HPGD: variants seen among roughly 807,000 people sequenced by gnomAD.
HPGD encodes the protein 15-hydroxyprostaglandin dehydrogenase [NAD(+)].
In HPGD, 29 loss-of-function variants were observed where a neutral mutation model predicts 30.0. That is an observed-to-expected ratio of 0.97 (90% CI 0.72 to 1.32). The LOEUF is 1.32. Ranked by LOEUF, HPGD falls within the 40% of genes most tolerant of loss-of-function variation. HPGD has a pLI of 0.00. For missense variants in HPGD, 340 were observed against 322.1 expected, an observed-to-expected ratio of 1.06 and a Z score of -0.43; for synonymous variants, 99 against 112.4, an observed-to-expected ratio of 0.88 and a Z score of 0.75.
intron 5 of HPGD, 158 bp downstream of exon 5, chr4:174,495,390 C>T (rs1734544513): frequency 1.5e-6 from 1 of 654,980 alleles, no homozygotes; most frequent in Non-Finnish European, 2.8e-6. Flanking sequence ...TTATTTGGTT[C>T]TTTATGTGAT....
At chr4:174,503,719 ATT>A (rs60031997) in intron 4 of HPGD, among the ~76,000 whole-genome samples, 26 of 142,876 alleles carry the variant, frequency 1.8e-4, no homozygotes, top group South Asian at 4.5e-4. Context: ...GGGTTTTTTG[ATT>A]TTTTTTTTTT....
intron 4 of HPGD, chr4:174,495,881 T>C (rs965233258): frequency 2.0e-6 from 1 of 488,324 alleles, no homozygotes; most frequent in African/African-American, 2.0e-5. Context: ...TGTGTTTTTC[T>C]GCCTCCCCAG....
chr4:174,505,758 G>A (rs912392643), intron 4 of HPGD, among the ~76,000 whole-genome samples: 4 of 152,142 alleles, frequency 2.6e-5, no homozygotes, highest in Admixed American at 1.3e-4. Flanking sequence ...CACAAGAGGT[G>A]CGGAGGCTGG....
At chr4:174,518,098 T>A in intron 2 of HPGD, 21 bp from the exon 3 acceptor site, 1 of 1,102,856 alleles carries the variant, frequency 9.1e-7, no homozygotes, top group Non-Finnish European at 1.4e-6. Context: ...AACAAGATAT[T>A]AGTGATACAT....
intron 5 of HPGD, chr4:174,495,282 G>A: frequency 4.4e-6 from 2 of 450,664 alleles, no homozygotes; most frequent in Non-Finnish European, 8.0e-6. Context: ...GTCATTTTTG[G>A]AAATAAGTAC....
chr4:174,511,558 T>C (rs1209434564), intron 3 of HPGD, among the ~76,000 whole-genome samples: 3 of 152,226 alleles, frequency 2.0e-5, no homozygotes, highest in African/African-American at 7.2e-5. Flanking sequence ...CCAATCAATA[T>C]TCAAAGTTAA....
intron 4 of HPGD, among the ~76,000 whole-genome samples, chr4:174,505,573 AT>A (rs1735145642): frequency 2.6e-5 from 4 of 152,234 alleles, no homozygotes; most frequent in Admixed American, 2.6e-4. Context: ...AATATCCTGA[AT>A]TTTTATCAAA....
At chr4:174,518,290 T>G (rs1408233155) in intron 2 of HPGD, among the ~76,000 whole-genome samples, 1 of 152,220 alleles carries the variant, frequency 6.6e-6, no homozygotes, top group Non-Finnish European at 1.5e-5. Context: ...TGCAGAATTT[T>G]GCAGACACCA....
chr4:174,519,587 G>A (rs571490661), intron 2 of HPGD, among the ~76,000 whole-genome samples: 1 of 152,238 alleles, frequency 6.6e-6, no homozygotes, highest in Admixed American at 6.5e-5. Context: ...CACAAAAGAA[G>A]TGAAAATGGC....
In HPGD at chr4:174,514,205, A is replaced by C. The variant is rs3797011; in HGVS notation, c.324+3766T>G. Among the ~76,000 whole-genome samples the C allele has an allele frequency of 3.3e-5, 5 of 152,272 alleles. No individual in the cohort carries two copies. The East Asian group carries it at 9.6e-4, about 29-fold the overall frequency. ...GATTTAGCCAAGAGATGTAAGTATGATTCACAGACAGAATATCTCATTTCA... is the reference window on the plus strand; with the variant it reads ...GATTTAGCCAAGAGATGTAAGTATGCTTCACAGACAGAATATCTCATTTCA... On this transcript the variant is annotated intron_variant, in intron 3 of 6. Transcript: ENST00000296522.
intron 3 of HPGD, among the ~76,000 whole-genome samples, chr4:174,512,593 G>A (rs1382700110): frequency 6.6e-6 from 1 of 152,128 alleles, no homozygotes; most frequent in Non-Finnish European, 1.5e-5. Flanking sequence ...ACAAATATTT[G>A]CATTACAGTA....
At chr4:174,506,245 T>C (rs1735184841) in intron 4 of HPGD, among the ~76,000 whole-genome samples, 1 of 152,166 alleles carries the variant, frequency 6.6e-6, no homozygotes, top group African/African-American at 2.4e-5. Flanking sequence ...TTTTAGGACT[T>C]TACTGGAAGT....
chr4:174,504,661 A>G (rs1277388101), intron 4 of HPGD, among the ~76,000 whole-genome samples: 1 of 152,018 alleles, frequency 6.6e-6, no homozygotes, highest in Non-Finnish European at 1.5e-5. Flanking sequence ...TACAAAAAAA[A>G]AAAAAGCCAG....
At position 174,492,594 on chromosome 4, in the gene HPGD, C is replaced by A. The variant is rs1734391757; in HGVS notation, c.663-500G>T. ...AGTCCCTAAGTCTGTTGTATTATCTCTATTTTATATGTGAGAAAATTGAAG... is the reference window on the plus strand; with the variant it reads ...AGTCCCTAAGTCTGTTGTATTATCTATATTTTATATGTGAGAAAATTGAAG... On this transcript the variant is annotated intron_variant, in intron 6 of 6. Transcript: ENST00000296522. This position sits in a 1 kb window ranked among gnomAD's most constrained non-coding sequence, Gnocchi z 4.9. Among the ~76,000 whole-genome samples the A allele has an allele frequency of 6.6e-6, 1 of 151,996 alleles. No homozygotes were observed. The highest frequency in any genetic ancestry group is 2.4e-5 in the African/African-American group (1 of 41,430).
At chr4:174,518,150 T>C in intron 2 of HPGD, 73 bp from the exon 3 acceptor site, 1 of 761,600 alleles carries the variant, frequency 1.3e-6, no homozygotes. Context: ...TCCTATGCCA[T>C]GAGAGGAATT....
intron 3 of HPGD, among the ~76,000 whole-genome samples, chr4:174,514,020 A>C (rs1735647480): frequency 6.6e-6 from 1 of 152,084 alleles, no homozygotes; most frequent in Non-Finnish European, 1.5e-5. Flanking sequence ...AAGGACATAA[A>C]AGGAAGCCAG....
In HPGD at chr4:174,495,641, T is replaced by A. The variant is rs914710862; in HGVS notation, c.422-17A>T. Reference sequence around the variant, plus strand: ...GCATGAGTCCTGAAACAGACAAATATAACATTTAAATGCTTTGATGAAAAA... The same window carrying A: ...GCATGAGTCCTGAAACAGACAAATAAAACATTTAAATGCTTTGATGAAAAA... On this transcript the variant is annotated splice_polypyrimidine_tract_variant and intron_variant, in intron 4 of 6. Transcript: ENST00000296522. The A allele has an allele frequency of 6.3e-7, 1 of 1,587,698 alleles. No individual in the cohort carries two copies. Among genetic ancestry groups the A allele is most frequent in the Admixed American group, 1.7e-5 (1 of 59,918 alleles).
intron 4 of HPGD, among the ~76,000 whole-genome samples, chr4:174,506,136 C>A (rs1735178453): frequency 6.6e-6 from 1 of 152,126 alleles, no homozygotes; most frequent in African/African-American, 2.4e-5. Flanking sequence ...AAAGCAAGCT[C>A]CTAGCCAACA....
chr4:174,501,001 T>C (rs1734874035), intron 4 of HPGD, among the ~76,000 whole-genome samples: 1 of 152,214 alleles, frequency 6.6e-6, no homozygotes, highest in Non-Finnish European at 1.5e-5. Context: ...GTTTGATTTC[T>C]GAACCTTGGC....
Sources: allele counts gnomAD v4.1 joint callset (sites outside exome capture counted in the v4.1 genomes callset), GRCh38; gene constraint gnomAD v4.1.1; non-coding constraint Gnocchi (gnomAD v3.1); transcripts MANE v1.5; gene names NCBI Gene and HGNC (gene_info 2026-07-23, HGNC 2026-07-21).